Variants in SUMF1 observed in about 807,000 individuals in gnomAD.
SUMF1 encodes sulfatase modifying factor 1.
A neutral mutation model predicts 47.6 loss-of-function variants in SUMF1; 48 were observed. The ratio of observed to expected loss-of-function variants is 1.01; its 90% confidence interval spans 0.80 to 1.28. The LOEUF is 1.28. SUMF1 is among the 50% of genes most tolerant of loss of function. The probability of loss-of-function intolerance (pLI) is 0.00; values close to 1 mark genes in which losing one functional copy is unlikely to be tolerated. For synonymous variants in SUMF1, 230 were observed against 192.1 expected, an observed-to-expected ratio of 1.20 and a Z score of -1.63; for missense variants, 571 against 485.4, an observed-to-expected ratio of 1.18 and a Z score of -1.66.
At chr3:4,247,747 A>T (rs1696701761) in intron 8 of SUMF1, among the ~76,000 whole-genome samples, 1 of 152,214 alleles carries the variant, frequency 6.6e-6, no homozygotes, top group African/African-American at 2.4e-5. Context: ...CTAGGCATAG[A>T]AGAATACAAG....
At chr3:4,152,923 G>A (rs1390288934) in intron 8 of SUMF1, among the ~76,000 whole-genome samples, 1 of 151,410 alleles carries the variant, frequency 6.6e-6, no homozygotes, top group African/African-American at 2.5e-5. Flanking sequence ...TCTCTCCCTG[G>A]CAGAGATATT....
intron 8 of SUMF1, among the ~76,000 whole-genome samples, chr3:4,197,341 T>C (rs1695450911): frequency 1.3e-5 from 2 of 152,114 alleles, no homozygotes. Flanking sequence ...GCTCAAGTGA[T>C]CCACCCACCT....
At chr3:4,250,256 A>C (rs970470762) in intron 8 of SUMF1, among the ~76,000 whole-genome samples, 1 of 144,598 alleles carries the variant, frequency 6.9e-6, no homozygotes, top group Non-Finnish European at 1.5e-5. Context: ...GAGGGAAAGG[A>C]AAAGGGAAAG....
intron 9 of SUMF1, among the ~76,000 whole-genome samples, chr3:4,035,904 G>T (rs766460594): frequency 6.6e-6 from 1 of 152,064 alleles, no homozygotes; most frequent in African/African-American, 2.4e-5. Context: ...TGCAGTTTAG[G>T]GGGTGAGTGG....
At chr3:4,174,449 G>A (rs1322623728) in intron 8 of SUMF1, among the ~76,000 whole-genome samples, 1 of 151,944 alleles carries the variant, frequency 6.6e-6, no homozygotes, top group Non-Finnish European at 1.5e-5. Context: ...GTTATCCCAG[G>A]GGATAACACT....
At chr3:4,379,840 C>CAAAAAAAAAAAA (rs58264459) in intron 7 of SUMF1, among the ~76,000 whole-genome samples, 1 of 76,882 alleles carries the variant, frequency 1.3e-5, no homozygotes, top group Non-Finnish European at 2.4e-5. Flanking sequence ...GCCTCCATCT[C>CAAAAAAAAAAAA]AAAAAAAAAA....
At chr3:4,417,855 C>CCAGTGT (rs1339082362) in intron 5 of SUMF1, among the ~76,000 whole-genome samples, 155 bp downstream of exon 5, 2 of 152,172 alleles carry the variant, frequency 1.3e-5, no homozygotes, top group Non-Finnish European at 2.9e-5. Flanking sequence ...GACCCATTCT[C>CCAGTGT]CAGTGTCTTC....
chr3:4,447,482 G>A (rs1702819523), intron 3 of SUMF1, among the ~76,000 whole-genome samples: 1 of 151,992 alleles, frequency 6.6e-6, no homozygotes, highest in Admixed American at 6.6e-5. Flanking sequence ...TGAGATTGGA[G>A]GCTTGCCAAT....
chr3:4,407,386 A>G (rs573794563), intron 7 of SUMF1, among the ~76,000 whole-genome samples: 1 of 152,358 alleles, frequency 6.6e-6, no homozygotes, highest in African/African-American at 2.4e-5. Context: ...TCACAGAACT[A>G]ACATAAATAC....
chr3:4,451,686 G>GT (rs1260363726), intron 2 of SUMF1, among the ~76,000 whole-genome samples: 1 of 152,052 alleles, frequency 6.6e-6, no homozygotes, highest in Non-Finnish European at 1.5e-5. Context: ...GTACAAAAAC[G>GT]GTTTTTTTGT....
intron 8 of SUMF1, among the ~76,000 whole-genome samples, chr3:4,201,089 G>A (rs1430175624): frequency 1.3e-5 from 2 of 151,980 alleles, no homozygotes; most frequent in African/African-American, 2.4e-5. Flanking sequence ...TCACATCAGA[G>A]TAAATGGGGT....
intron 8 of SUMF1, among the ~76,000 whole-genome samples, chr3:4,096,496 C>A (rs951008307): frequency 1.3e-5 from 2 of 152,118 alleles, no homozygotes; most frequent in African/African-American, 2.4e-5. Flanking sequence ...TCCCTGATAT[C>A]AAGGCAGCAA....
intron 8 of SUMF1, among the ~76,000 whole-genome samples, chr3:4,228,813 C>T (rs1289504204): frequency 1.3e-5 from 2 of 152,072 alleles, no homozygotes; most frequent in East Asian, 1.9e-4. Context: ...GAAAGAGATG[C>T]CTCTTACAGC....
chr3:4,149,839 G>A lies in SUMF1; in HGVS notation c.1015-81094C>T, dbSNP rs1035864436. The stretch of plus-strand genomic sequence containing the variant: ...AGAGTGGTGATGAATAGGGGCCAAC[G>A]AAGTTCTGCTTGTTTCAGTTGATGC... On this transcript the variant is annotated intron_variant and NMD_transcript_variant, in intron 8 of 12. Transcript: ENST00000448413. Among the ~76,000 whole-genome samples, 7 of 152,076 alleles carry A rather than the reference G, an allele frequency of 4.6e-5. 1 individual carries two copies. The highest frequency in any genetic ancestry group is 9.7e-5 in the African/African-American group (4 of 41,386).
At chr3:4,440,947 T>C (rs1702566126) in intron 3 of SUMF1, among the ~76,000 whole-genome samples, 1 of 152,158 alleles carries the variant, frequency 6.6e-6, no homozygotes, top group South Asian at 2.1e-4. Context: ...AAAACAGTCT[T>C]TATCTTAAAT....
intron 8 of SUMF1, among the ~76,000 whole-genome samples, chr3:4,369,370 A>T (rs969116558): frequency 6.6e-6 from 1 of 152,208 alleles, no homozygotes; most frequent in Non-Finnish European, 1.5e-5. Flanking sequence ...TCAAATGACT[A>T]GAGGTGACCA....
chr3:4,295,552 G>A lies in SUMF1; in HGVS notation c.1014+80778C>T, dbSNP rs113552613. Among the ~76,000 whole-genome samples the A allele has an allele frequency of 2.0e-4, 31 of 152,152 alleles. 2 individuals are homozygous for A. The highest frequency in any genetic ancestry group is 7.0e-4 in the African/African-American group (29 of 41,510). On this transcript the variant is annotated intron_variant and NMD_transcript_variant, in intron 8 of 12. Transcript: ENST00000448413. Reference sequence around the variant, plus strand: ...ACCTGGAACGTGAAATGAACGAACCGCGGGCTGTGCTTTTCAAGGTCAAAC... The same window carrying A: ...ACCTGGAACGTGAAATGAACGAACCACGGGCTGTGCTTTTCAAGGTCAAAC...
At chr3:4,206,475 T>C (rs1473423763) in intron 8 of SUMF1, among the ~76,000 whole-genome samples, 3 of 152,124 alleles carry the variant, frequency 2.0e-5, no homozygotes, top group Admixed American at 6.6e-5. Context: ...CCCTTCACTG[T>C]TACTGGGCAG....
intron 8 of SUMF1, among the ~76,000 whole-genome samples, chr3:4,311,578 A>G (rs73807000): frequency 6.6e-6 from 1 of 152,334 alleles, no homozygotes; most frequent in African/African-American, 2.4e-5. Flanking sequence ...AGTCAATGCC[A>G]CTTCTGAACA....
Sources: gnomAD v4.1 joint callset for allele counts (sites outside exome capture counted in the v4.1 genomes callset) on GRCh38, gnomAD v4.1.1 for gene constraint, MANE v1.5 for transcripts, NCBI Gene and HGNC (gene_info 2026-07-23, HGNC 2026-07-21) for gene names.